B3GNT2: variants seen among roughly 807,000 people sequenced by gnomAD.
The protein encoded by B3GNT2 is UDP-GlcNAc:betaGal beta-1,3-N-acetylglucosaminyltransferase 2, also known as N-acetyllactosaminide beta-1,3-N-acetylglucosaminyltransferase 2.
In B3GNT2, 12 loss-of-function variants were observed where a neutral mutation model predicts 27.6. The ratio of observed to expected loss-of-function variants is 0.44; its 90% CI spans 0.28 to 0.71. The LOEUF is 0.71. Among genes scored for constraint, B3GNT2 ranks in the 30% least tolerant of loss-of-function variants. The pLI is 0.17. For missense variants in B3GNT2, 413 were observed against 488.5 expected (o/e 0.85, Z 1.46); for synonymous variants, 192 against 189.7 (o/e 1.01, Z -0.10).
intron 1 of B3GNT2, among the ~76,000 whole-genome samples, chr2:62,201,396 G>A (rs552633352): frequency 1.3e-5 from 2 of 152,318 alleles, no homozygotes; most frequent in South Asian, 4.1e-4. Flanking sequence ...TTTAGTTTGG[G>A]TAAGAGTCAT....
chr2:62,213,133 A>G (rs1674511207), intron 1 of B3GNT2, among the ~76,000 whole-genome samples: 2 of 152,110 alleles, frequency 1.3e-5, no homozygotes, highest in African/African-American at 2.4e-5. Flanking sequence ...CAACATGAGG[A>G]GACCTCGTCT....
intron 1 of B3GNT2, among the ~76,000 whole-genome samples, chr2:62,197,126 C>T: frequency 6.6e-6 from 1 of 152,110 alleles, no homozygotes; most frequent in Non-Finnish European, 1.5e-5. Flanking sequence ...GTGGGTGCTG[C>T]CAGGCCAGGG....
At chr2:62,215,737 TTG>T (rs1210963091) in intron 1 of B3GNT2, 4 of 152,208 alleles carry the variant, frequency 2.6e-5, no homozygotes, top group Admixed American at 1.3e-4. Context: ...TTCTGAGGAT[TTG>T]TGTGTCCTGT....
chr2:62,197,960 A>G (rs1674187853), intron 1 of B3GNT2, among the ~76,000 whole-genome samples: 8 of 152,270 alleles, frequency 5.3e-5, no homozygotes, highest in Admixed American at 4.6e-4. Flanking sequence ...CTCTTAAACC[A>G]GATTAGATTT....
At chr2:62,196,944 C>T (rs894094895) in intron 1 of B3GNT2, among the ~76,000 whole-genome samples, 1 of 152,090 alleles carries the variant, frequency 6.6e-6, no homozygotes, top group Admixed American at 6.5e-5. Context: ...TCCCCACCCC[C>T]CACCCCCAAC....
chr2:62,221,613 C>A (rs1456049924), intron 1 of B3GNT2, among the ~76,000 whole-genome samples: 1 of 152,138 alleles, frequency 6.6e-6, no homozygotes, highest in Non-Finnish European at 1.5e-5. Context: ...TTGAGCCCAG[C>A]CTGAGCAACG....
In B3GNT2 at chr2:62,222,704, C is replaced by A. The variant is rs771301412; in HGVS notation, c.484C>A (p.Arg162=). The change falls in exon 2 of 2, where the codon CGG becomes AGG. Residue 162 remains arginine, a synonymous_variant. Transcript: ENST00000301998. This position sits in a 1 kb window ranked among gnomAD's most constrained non-coding sequence, Gnocchi z 4.2. ...ACATTTTGCCAGAAGGCAAGCAATC[C>A]GGGAATCCTGGGGCCAAGAAAGCAA... The part of the protein sequence containing the change: ...TPHFARRQAI[R]ESWGQESNAG... 3 of 1,614,180 alleles carry A rather than the reference C, an allele frequency of 1.9e-6. No individual in the cohort carries two copies. The highest frequency in any genetic ancestry group is 1.7e-5 in the Admixed American group (1 of 60,022).
chr2:62,219,429 C>T (rs923502211), intron 1 of B3GNT2, among the ~76,000 whole-genome samples: 5 of 152,174 alleles, frequency 3.3e-5, no homozygotes, highest in Admixed American at 2.6e-4. Flanking sequence ...TACAGGAGTG[C>T]ACCACCATGC....
chr2:62,198,050 T>C (rs1159219375), intron 1 of B3GNT2, among the ~76,000 whole-genome samples: 1 of 152,262 alleles, frequency 6.6e-6, no homozygotes, highest in African/African-American at 2.4e-5. Flanking sequence ...GCTCAGACTT[T>C]ACAAATGTGT....
chr2:62,221,734 T>C (rs911123603), intron 1 of B3GNT2: 14 of 432,366 alleles, frequency 3.2e-5, no homozygotes, highest in African/African-American at 2.3e-4. Context: ...CACATGTAAA[T>C]AGAGTTTTGT....
chr2:62,213,846 T>TAA lies in B3GNT2; in HGVS notation c.-9-8365_-9-8364dup, dbSNP rs565645707. The stretch of plus-strand genomic sequence containing the variant: ...AGGAGAAAGGGTGTATATATATATA[T>TAA]AATCTGGTTTCTACTGAACACTGTG... On this transcript the variant is annotated intron_variant, in intron 1 of 1. Transcript: ENST00000301998. Among the ~76,000 whole-genome samples the TAA allele has an allele frequency of 5.1e-4, 78 of 152,358 alleles. 1 individual carries two copies. In the East Asian group the frequency reaches 0.011, roughly 21 times the overall value.
At chr2:62,208,642 G>C (rs899762419) in intron 1 of B3GNT2, among the ~76,000 whole-genome samples, 1 of 152,166 alleles carries the variant, frequency 6.6e-6, no homozygotes, top group Non-Finnish European at 1.5e-5. Flanking sequence ...TGCTGGGGAG[G>C]GGGGTGTGTG....
chr2:62,206,509 C>G (rs945232992), intron 1 of B3GNT2, among the ~76,000 whole-genome samples: 3 of 152,158 alleles, frequency 2.0e-5, no homozygotes, highest in Non-Finnish European at 4.4e-5. Context: ...TCTCATTTCT[C>G]TATTTTTTTT....
chr2:62,206,852 A>G (rs1249903049), intron 1 of B3GNT2, among the ~76,000 whole-genome samples: 1 of 152,240 alleles, frequency 6.6e-6, no homozygotes, highest in African/African-American at 2.4e-5. Flanking sequence ...CTGAGGTTGT[A>G]GTACCTCACT....
chr2:62,199,058 A>G (rs1674212528), intron 1 of B3GNT2, among the ~76,000 whole-genome samples: 1 of 152,108 alleles, frequency 6.6e-6, no homozygotes, highest in Admixed American at 6.5e-5. Context: ...CTCCTGCCTC[A>G]GCCTCCCCAG....
At chr2:62,201,716 AAAAT>A (rs1015406137) in intron 1 of B3GNT2, among the ~76,000 whole-genome samples, 1 of 152,272 alleles carries the variant, frequency 6.6e-6, no homozygotes, top group African/African-American at 2.4e-5. Context: ...AAAGTAAAGG[AAAAT>A]AAAACTAATT....
At chr2:62,212,803 T>A (rs537824718) in intron 1 of B3GNT2, among the ~76,000 whole-genome samples, 1 of 152,148 alleles carries the variant, frequency 6.6e-6, no homozygotes, top group Admixed American at 6.5e-5. Context: ...AAGTGTCATA[T>A]TTATTGTATT....
chr2:62,220,870 G>A (rs917303305), intron 1 of B3GNT2, among the ~76,000 whole-genome samples: 2 of 152,104 alleles, frequency 1.3e-5, no homozygotes, highest in African/African-American at 4.8e-5. Flanking sequence ...TTAGAACCTT[G>A]GATATCCCCA....
At chr2:62,207,948 T>A (rs1293162722) in intron 1 of B3GNT2, among the ~76,000 whole-genome samples, 1 of 152,170 alleles carries the variant, frequency 6.6e-6, no homozygotes, top group Non-Finnish European at 1.5e-5. Context: ...AATTTGAAAT[T>A]TCTGCTTCTC....
Sources: gnomAD v4.1 joint callset for allele counts (sites outside exome capture counted in the v4.1 genomes callset) on GRCh38, gnomAD v4.1.1 for gene constraint, Gnocchi (gnomAD v3.1) non-coding constraint, MANE v1.5 for transcripts, NCBI Gene and HGNC (gene_info 2026-07-23, HGNC 2026-07-21) for gene names.